The following SARDH variants were observed in gnomAD, a reference collection of about 807,000 sequenced individuals.
SARDH encodes the protein sarcosine dehydrogenase.
SARDH carries 95 observed loss-of-function variants against 109.1 expected under a neutral mutation model. The observed-to-expected ratio is 0.87, with a 90% confidence interval of 0.74 to 1.03. The LOEUF (loss-of-function observed/expected upper bound fraction) is 1.03. SARDH is among the 50% of genes least tolerant of loss of function. The pLI is 0.00. For missense variants in SARDH, 1,267 were observed against 1,287.8 expected (o/e 0.98, Z 0.25); for synonymous variants, 572 against 534.8 (o/e 1.07, Z -0.96).
At chr9:133,695,994 T>G (rs1588415414) in intron 14 of SARDH, among the ~76,000 whole-genome samples, 2 of 146,132 alleles carry the variant, frequency 1.4e-5, no homozygotes, top group African/African-American at 5.1e-5. Flanking sequence ...AAGGCAGAGG[T>G]AGGGAGGAGA....
chr9:133,685,168 G>T, intron 17 of SARDH, 25 bp downstream of exon 17: 1 of 1,600,972 alleles, frequency 6.2e-7, no homozygotes, highest in Non-Finnish European at 8.6e-7. Flanking sequence ...CCACGACCCA[G>T]AGGACGTGGC....
At chr9:133,682,967 A>G (rs1044732177) in intron 17 of SARDH, among the ~76,000 whole-genome samples, 1 of 152,132 alleles carries the variant, frequency 6.6e-6, no homozygotes, top group African/African-American at 2.4e-5. Context: ...TGCTTTTTAC[A>G]ACACCAGTGA....
At chr9:133,702,798 G>T in intron 13 of SARDH, 118 bp downstream of exon 13, 1 of 822,454 alleles carries the variant, frequency 1.2e-6, no homozygotes, top group Non-Finnish European at 2.0e-6. Context: ...TGAATGCAGA[G>T]CCCGAAGAGA....
chr9:133,730,144 T>C lies in SARDH; in HGVS notation c.734A>G (p.Asp245Gly), dbSNP rs1318261838. 6.2e-7 allele frequency: 1 copy of C among 1,614,200 alleles called. No homozygotes were observed. The highest frequency in any genetic ancestry group is 1.7e-5 in the Admixed American group (1 of 60,030). Residue 245 changes from aspartate (D) to glycine (G), a missense_variant, in exon 5 of 21, where the codon GAT becomes GGT. Physicochemically the swap from Asp to Gly is moderately conservative, Grantham distance 94. Coordinates refer to ENST00000439388, the MANE Select transcript of SARDH (RefSeq NM_001134707.2). ...CGCGACCCGCCGCACCCCAAAATCA[T>C]CCGTCCACACACGAATGCCGGTCAC... ...CPVTGIRVWTDDFGVRRVAGV... is the reference protein window; with the variant it reads ...CPVTGIRVWTGDFGVRRVAGV...
chr9:133,727,813 C>T (rs1302526055), intron 6 of SARDH, among the ~76,000 whole-genome samples: 1 of 152,172 alleles, frequency 6.6e-6, no homozygotes, highest in Non-Finnish European at 1.5e-5. Flanking sequence ...GAGGGGGCAG[C>T]TGCAGGGACC....
downstream of SARDH, among the ~76,000 whole-genome samples, chr9:133,660,312 A>AAGTT (rs911602067): frequency 6.6e-6 from 1 of 151,774 alleles, no homozygotes; most frequent in Non-Finnish European, 1.5e-5. Context: ...CAGAGACCTA[A>AAGTT]AGTTAGGTGC....
Position 133,686,897 on chromosome 9 carries a change from C to T in SARDH, c.2070-1611G>A, listed in dbSNP as rs1358966706. Among the ~76,000 whole-genome samples the T allele has an allele frequency of 6.6e-6, 1 of 152,216 alleles. No homozygotes were observed. The highest frequency in any genetic ancestry group is 1.9e-4 in the East Asian group (1 of 5,180). ...AGTGATACCAGTGCCTCAGACCTGA[C>T]AAGCACATGCTCTCTGCAGCCTTGA... On this transcript the variant is annotated intron_variant, in intron 16 of 20. Transcript: ENST00000439388. This position sits in a 1 kb window ranked among gnomAD's most constrained non-coding sequence, Gnocchi z 4.0.
At chr9:133,701,908 T>C (rs1831502224) in intron 13 of SARDH, among the ~76,000 whole-genome samples, 1 of 151,716 alleles carries the variant, frequency 6.6e-6, no homozygotes. Flanking sequence ...CCATGAAGAG[T>C]CTCAAGGCAC....
chr9:133,723,943 T>G (rs1832407409), intron 6 of SARDH, among the ~76,000 whole-genome samples: 1 of 152,050 alleles, frequency 6.6e-6, no homozygotes, highest in African/African-American at 2.4e-5. Flanking sequence ...AAAATTTAAC[T>G]TGAGATGGAT....
chr9:133,666,985 G>GCCCTATCT lies in SARDH; in HGVS notation c.2496-116_2496-115insAGATAGGG. On this transcript the variant is annotated intron_variant, in intron 19 of 20. Transcript: ENST00000439388. This position sits in a 1 kb window ranked among gnomAD's most constrained non-coding sequence, Gnocchi z 5.2. ...TGATGCACACCCAACCGTGGCTCCA[G>GCCCTATCT]GCAGATAGGGCTGGCCTACTAGGAC... The GCCCTATCT allele has an allele frequency of 7.0e-7, 1 of 1,424,310 alleles. No individual in the cohort carries two copies. Among genetic ancestry groups the GCCCTATCT allele is most frequent in the Non-Finnish European group, 9.6e-7 (1 of 1,037,666 alleles). 88.2% of individuals were successfully genotyped at this position (1,424,310 alleles called of 1,614,324 possible). A position where few individuals can be genotyped will look rare whatever the true frequency, so the allele number is the denominator to read the frequency against.
intron 17 of SARDH, among the ~76,000 whole-genome samples, chr9:133,676,634 G>A (rs958715411): frequency 6.6e-6 from 1 of 152,208 alleles, no homozygotes; most frequent in Non-Finnish European, 1.5e-5. Context: ...CGGGGAATGT[G>A]AGGGAATGGC....
At chr9:133,681,416 C>G (rs954345981) in intron 17 of SARDH, among the ~76,000 whole-genome samples, 1 of 152,242 alleles carries the variant, frequency 6.6e-6, no homozygotes, top group African/African-American at 2.4e-5. Context: ...GCGGGACTCT[C>G]GGTTCCATGA....
chr9:133,673,708 T>C (rs75239212), intron 17 of SARDH, among the ~76,000 whole-genome samples: 2,050 of 152,308 alleles, frequency 0.013, 42 homozygotes, highest in African/African-American at 0.047. Flanking sequence ...CTGACAAAGA[T>C]TGCCTTGTCA....
chr9:133,735,975 G>A (rs1168275148), intron 1 of SARDH, among the ~76,000 whole-genome samples: 5 of 151,902 alleles, frequency 3.3e-5, no homozygotes. Context: ...GGGAGGTGGA[G>A]GCTGCAGTAA....
intron 3 of SARDH, among the ~76,000 whole-genome samples, chr9:133,732,174 C>A (rs1832707259): frequency 6.6e-6 from 1 of 152,108 alleles, no homozygotes; most frequent in South Asian, 2.1e-4. Context: ...CCTTCTCTCG[C>A]GGCAGAAGGG....
At chr9:133,676,197 T>G (rs1045184902) in intron 17 of SARDH, among the ~76,000 whole-genome samples, 1 of 152,060 alleles carries the variant, frequency 6.6e-6, no homozygotes, top group African/African-American at 2.4e-5. Context: ...GAACTTCGGA[T>G]GCATAACACA....
At chr9:133,681,497 G>C (rs1435459629) in intron 17 of SARDH, among the ~76,000 whole-genome samples, 1 of 152,194 alleles carries the variant, frequency 6.6e-6, no homozygotes, top group East Asian at 1.9e-4. Context: ...GGCTGTGGCT[G>C]CAGGTCCCTT....
rs1564221161 is a variant in SARDH, at chr9:133,663,910, C to T, written c.2736G>A (p.Lys912=). 3 of 1,614,156 alleles carry T rather than the reference C, an allele frequency of 1.9e-6. No individual in the cohort carries two copies. Among genetic ancestry groups the T allele is most frequent in the South Asian group, 1.1e-5 (1 of 91,084 alleles). Residue 912 remains lysine, a synonymous_variant, in exon 21 of 21, where the codon AAG becomes AAA. Transcript: ENST00000439388. ...GCCCTCAGTAGATTCCCTTCACCCT[C>T]TTGTTGTTGGGGTCGAAGGGCGACT... ...HLKSPFDPNN[K]RVKGIY is the part of the protein sequence containing the mutation.
intron 9 of SARDH, 29 bp downstream of exon 9, chr9:133,713,009 G>A (rs770229854): frequency 6.3e-7 from 1 of 1,587,874 alleles, no homozygotes; most frequent in South Asian, 1.1e-5. Context: ...TCCCTCTTGG[G>A]GGCCAGGAGG....
Sources: allele counts gnomAD v4.1 joint callset (sites outside exome capture counted in the v4.1 genomes callset), GRCh38; gene constraint gnomAD v4.1.1; non-coding constraint Gnocchi (gnomAD v3.1); transcripts MANE v1.5; gene names NCBI Gene and HGNC (gene_info 2026-07-23, HGNC 2026-07-21).